Variants in SH2D4B observed in about 807,000 individuals in gnomAD.
SH2D4B encodes SH2 domain-containing protein 4B.
Under a neutral mutation model 61.5 loss-of-function variants are expected in SH2D4B, and 45 were observed. The observed-to-expected ratio is 0.73, with a 90% CI of 0.58 to 0.94. SH2D4B has a LOEUF of 0.94. SH2D4B is among the 40% of genes least tolerant of loss of function. The pLI is 0.00. For synonymous variants in SH2D4B, 224 were observed against 220.4 expected, an observed-to-expected ratio of 1.02 and a Z score of -0.14; for missense variants, 572 against 574.2, an observed-to-expected ratio of 1.00 and a Z score of 0.04.
chr10:80,598,370 A>G (rs1032317031), intron 4 of SH2D4B, among the ~76,000 whole-genome samples: 2 of 152,186 alleles, frequency 1.3e-5, no homozygotes, highest in Non-Finnish European at 2.9e-5. Context: ...CTGGCCCAGG[A>G]GCTGCTTGAT....
At chr10:80,589,603 G>T (rs1034856201) in intron 4 of SH2D4B, among the ~76,000 whole-genome samples, 1 of 152,188 alleles carries the variant, frequency 6.6e-6, no homozygotes, top group Non-Finnish European at 1.5e-5. Flanking sequence ...GGGATCCAGG[G>T]ATGAGGAATC....
rs1490717447 is a variant in SH2D4B at position 80,645,509 on chromosome 10, G to C, written c.*1424G>C. ...AATGGGAGTCATAGGCTGGTAGATC[G>C]CTTTTTCCTCCTTCTTCCTCCTGGA... is the stretch of plus-strand genomic sequence containing the variant. On this transcript the variant is annotated 3_prime_UTR_variant, in exon 8 of 8. Coordinates refer to ENST00000646907, the MANE Select transcript of SH2D4B (RefSeq NM_001388272.1). 2.0e-5 allele frequency: 3 copies of C among 152,180 alleles called. No homozygotes were observed. The highest frequency in any genetic ancestry group is 2.9e-5 in the Non-Finnish European group (2 of 68,050). The allele number at this position is 152,180 out of a possible 1,614,324, so 9.4% of individuals were successfully genotyped here.
chr10:80,557,746 G>A (rs1393562033), intron 1 of SH2D4B, among the ~76,000 whole-genome samples: 2 of 152,068 alleles, frequency 1.3e-5, no homozygotes, highest in Non-Finnish European at 2.9e-5. Context: ...TCAGTCTGCT[G>A]AGAAATTTAT....
At chr10:80,620,584 C>T (rs1014380935) in intron 6 of SH2D4B, among the ~76,000 whole-genome samples, 2 of 152,198 alleles carry the variant, frequency 1.3e-5, no homozygotes, top group African/African-American at 4.8e-5. Flanking sequence ...TGCTTACTGT[C>T]TAATAAGAGT....
intron 7 of SH2D4B, chr10:80,643,147 TTTAG>T (rs1252460379): frequency 6.6e-6 from 1 of 152,662 alleles, no homozygotes; most frequent in Non-Finnish European, 1.5e-5. Flanking sequence ...TGAATTGCTT[TTTAG>T]TTATGAGCAT....
chr10:80,568,653 C>T (rs1489046011), intron 1 of SH2D4B, among the ~76,000 whole-genome samples: 5 of 152,190 alleles, frequency 3.3e-5, no homozygotes, highest in Non-Finnish European at 7.3e-5. Flanking sequence ...TCATACAAAA[C>T]CTTTAAAAAT....
At chr10:80,576,859 C>G (rs1842131840) in intron 3 of SH2D4B, among the ~76,000 whole-genome samples, 1 of 152,200 alleles carries the variant, frequency 6.6e-6, no homozygotes, top group Non-Finnish European at 1.5e-5. Flanking sequence ...CTTCTGCCTC[C>G]TGGGTTCAAG....
chr10:80,606,751 A>C (rs1394218012), intron 5 of SH2D4B, among the ~76,000 whole-genome samples: 1 of 152,180 alleles, frequency 6.6e-6, no homozygotes, highest in Non-Finnish European at 1.5e-5. Flanking sequence ...AGCTGCTCAC[A>C]TATCTTTTTA....
chr10:80,556,270 A>T (rs1212908736), intron 1 of SH2D4B, among the ~76,000 whole-genome samples: 1 of 152,208 alleles, frequency 6.6e-6, no homozygotes, highest in Non-Finnish European at 1.5e-5. Flanking sequence ...AGGACTCTCC[A>T]TACTATTTCA....
At chr10:80,589,131 G>T (rs1842296087) in intron 4 of SH2D4B, among the ~76,000 whole-genome samples, 1 of 151,812 alleles carries the variant, frequency 6.6e-6, no homozygotes, top group Non-Finnish European at 1.5e-5. Flanking sequence ...AGCCTCCCAA[G>T]TAGCTGGGAT....
At chr10:80,565,152 G>A (rs1348488005) in intron 1 of SH2D4B, among the ~76,000 whole-genome samples, 1 of 152,212 alleles carries the variant, frequency 6.6e-6, no homozygotes, top group Non-Finnish European at 1.5e-5. Context: ...ATACTCCTAA[G>A]TTACGGTTTC....
At chr10:80,577,675 C>T (rs1379301976) in intron 3 of SH2D4B, among the ~76,000 whole-genome samples, 2 of 152,072 alleles carry the variant, frequency 1.3e-5, no homozygotes, top group Admixed American at 6.5e-5. Context: ...ATCCACCCGC[C>T]TCAGCCTCCC....
intron 4 of SH2D4B, among the ~76,000 whole-genome samples, chr10:80,596,363 G>A (rs1403637777): frequency 2.6e-5 from 4 of 152,226 alleles, no homozygotes; most frequent in African/African-American, 4.8e-5. Flanking sequence ...AAAGCCTTAG[G>A]ACAGTCATTG....
chr10:80,644,116 G>A lies in SH2D4B; in HGVS notation c.*31G>A. 2 of 1,579,236 alleles carry A rather than the reference G, an allele frequency of 1.3e-6. No homozygotes were observed. Among genetic ancestry groups the A allele is most frequent in the Non-Finnish European group, 1.7e-6 (2 of 1,149,724 alleles). On this transcript the variant is annotated 3_prime_UTR_variant, in exon 8 of 8. Transcript: ENST00000646907. ...TTCCTTATCAATTGGATTCATTTTG[G>A]TATCCTGTTTTTGAACTCAGCTTAA...
intron 7 of SH2D4B, among the ~76,000 whole-genome samples, chr10:80,635,550 A>G (rs918102108): frequency 6.6e-6 from 1 of 152,180 alleles, no homozygotes; most frequent in African/African-American, 2.4e-5. Context: ...ATACACATGG[A>G]GAATCACCTA....
chr10:80,551,514 A>C (rs1312216598), intron 1 of SH2D4B, among the ~76,000 whole-genome samples: 1 of 152,214 alleles, frequency 6.6e-6, no homozygotes, highest in South Asian at 2.1e-4. Context: ...CAAAAGACAA[A>C]CAACCAATAG....
chr10:80,551,379 TA>T (rs1380868436), intron 1 of SH2D4B, among the ~76,000 whole-genome samples: 1 of 152,164 alleles, frequency 6.6e-6, no homozygotes, highest in Non-Finnish European at 1.5e-5. Context: ...TTAAAAATCT[TA>T]ATAAAAGATG....
intron 3 of SH2D4B, among the ~76,000 whole-genome samples, chr10:80,575,314 T>C (rs969898237): frequency 6.6e-5 from 10 of 152,068 alleles, no homozygotes; most frequent in Non-Finnish European, 1.2e-4. Context: ...AAGGAAGTCA[T>C]GGATGATGAT....
intron 3 of SH2D4B, among the ~76,000 whole-genome samples, chr10:80,571,785 T>C (rs929341098): frequency 3.3e-5 from 5 of 150,448 alleles, no homozygotes; most frequent in South Asian, 2.1e-4. Context: ...TCTTTTTTTT[T>C]TTTTTTGAGA....
Sources: allele counts gnomAD v4.1 joint callset (sites outside exome capture counted in the v4.1 genomes callset), GRCh38; gene constraint gnomAD v4.1.1; transcripts MANE v1.5; gene names NCBI Gene and HGNC (gene_info 2026-07-23, HGNC 2026-07-21).